Variants in KCNJ1 observed in about 807,000 individuals in gnomAD.
KCNJ1 encodes the protein ATP-sensitive inward rectifier potassium channel 1.
Under a neutral mutation model 21.9 loss-of-function variants are expected in KCNJ1, and 24 were observed. That is an observed-to-expected ratio of 1.10 (90% CI 0.79 to 1.54). The LOEUF is 1.54. Among genes scored for constraint, KCNJ1 ranks in the 40% most tolerant of loss-of-function variants. KCNJ1 has a pLI of 0.00. For synonymous variants in KCNJ1, 152 were observed against 160.9 expected, an observed-to-expected ratio of 0.94 and a Z score of 0.42; for missense variants, 457 against 455.4, an observed-to-expected ratio of 1.00 and a Z score of -0.03.
intron 1 of KCNJ1, among the ~76,000 whole-genome samples, chr11:128,854,988 G>A (rs1056871613): frequency 6.6e-5 from 10 of 152,200 alleles, no homozygotes; most frequent in African/African-American, 2.2e-4. Context: ...CACGTATCTG[G>A]AGTCAGGCTT....
At chr11:128,848,920 G>A (rs1943431624) in intron 2 of KCNJ1, among the ~76,000 whole-genome samples, 1 of 152,206 alleles carries the variant, frequency 6.6e-6, no homozygotes, top group Non-Finnish European at 1.5e-5. Context: ...TCCAGAGAGT[G>A]TGGAATGGCC....
intron 1 of KCNJ1, among the ~76,000 whole-genome samples, chr11:128,855,598 G>T (rs191119440): frequency 6.7e-6 from 1 of 149,726 alleles, no homozygotes; most frequent in Non-Finnish European, 1.5e-5. Flanking sequence ...GTGTAGAGCT[G>T]GGCTTAAACG....
intron 1 of KCNJ1, among the ~76,000 whole-genome samples, chr11:128,853,435 T>C (rs914732846): frequency 8.5e-5 from 13 of 152,190 alleles, no homozygotes; most frequent in African/African-American, 3.1e-4. Flanking sequence ...TCCATGTAGA[T>C]GAGATGTTAG....
intron 2 of KCNJ1, 50 bp from the exon 3 acceptor site, chr11:128,840,314 G>C (rs1283028764): frequency 1.9e-6 from 3 of 1,554,242 alleles, no homozygotes; most frequent in Non-Finnish European, 1.8e-6. Context: ...TATAGCAATA[G>C]TGAACTAGGT....
At chr11:128,859,883 A>T (rs1042128242) in intron 1 of KCNJ1, among the ~76,000 whole-genome samples, 1 of 152,278 alleles carries the variant, frequency 6.6e-6, no homozygotes, top group Non-Finnish European at 1.5e-5. Context: ...AGAAAGAAAC[A>T]GTAACTAGAA....
chr11:128,847,370 G>A (rs1943399443), intron 2 of KCNJ1, among the ~76,000 whole-genome samples: 1 of 152,144 alleles, frequency 6.6e-6, no homozygotes, highest in South Asian at 2.1e-4. Context: ...GGAAATAAGT[G>A]TAACTATAAC....
chr11:128,849,507 G>A (rs1455886579), intron 2 of KCNJ1, among the ~76,000 whole-genome samples: 1 of 152,186 alleles, frequency 6.6e-6, no homozygotes, highest in African/African-American at 2.4e-5. Context: ...CACTACAAGA[G>A]GAGGAAGGAG....
At chr11:128,854,533 G>C (rs1428851256) in intron 1 of KCNJ1, among the ~76,000 whole-genome samples, 1 of 152,120 alleles carries the variant, frequency 6.6e-6, no homozygotes, top group Non-Finnish European at 1.5e-5. Context: ...GAGAGGGATG[G>C]AACGTGACTG....
intron 1 of KCNJ1, among the ~76,000 whole-genome samples, chr11:128,863,247 C>T (rs1943751980): frequency 6.6e-6 from 1 of 152,164 alleles, no homozygotes; most frequent in East Asian, 1.9e-4. Flanking sequence ...TGAATCCCAG[C>T]CAAGAAACAC....
chr11:128,839,347 C>A lies in KCNJ1; in HGVS notation c.897G>T (p.Glu299Asp), dbSNP rs368956043. The A allele has an allele frequency of 1.2e-6, 2 of 1,614,030 alleles. No homozygotes were observed. Among genetic ancestry groups the A allele is most frequent in the African/African-American group, 2.7e-5 (2 of 74,900 alleles). The change falls in exon 3 of 3, where the codon GAG (glutamate) becomes GAT (aspartate). Residue 299 changes from glutamate (E) to aspartate (D), a missense_variant. Glu to Asp is a conservative substitution (Grantham distance 45). Coordinates refer to ENST00000392666, the MANE Select transcript of KCNJ1 (RefSeq NM_153766.3). ...CQVRTSYVPE[E>D]VLWGYRFAPI... The stretch of plus-strand genomic sequence containing the variant: ...GAGCAAAACGGTAGCCCCAAAGCAC[C>A]TCCTCTGGGACATAGGATGTCCGGA...
chr11:128,848,720 A>G (rs1182367533), intron 2 of KCNJ1, among the ~76,000 whole-genome samples: 1 of 152,182 alleles, frequency 6.6e-6, no homozygotes, highest in Admixed American at 6.5e-5. Flanking sequence ...ACACAATGGG[A>G]GCTACTTGGC....
At chr11:128,855,177 CCTTTT>C (rs377175345) in intron 1 of KCNJ1, among the ~76,000 whole-genome samples, 1 of 152,156 alleles carries the variant, frequency 6.6e-6, no homozygotes, top group Admixed American at 6.5e-5. Context: ...GTTTTTCTTT[CCTTTT>C]CTTTTCTTTT....
At chr11:128,860,004 C>A (rs1375963183) in intron 1 of KCNJ1, among the ~76,000 whole-genome samples, 1 of 152,110 alleles carries the variant, frequency 6.6e-6, no homozygotes, top group Non-Finnish European at 1.5e-5. Context: ...CGCCGGGCCT[C>A]CCGCTTACCA....
chr11:128,852,739 C>T (rs1194903630), intron 1 of KCNJ1, among the ~76,000 whole-genome samples: 4 of 152,268 alleles, frequency 2.6e-5, no homozygotes, highest in African/African-American at 7.2e-5. Context: ...CAGAACAGGA[C>T]ACTGCCCGGG....
intron 2 of KCNJ1, among the ~76,000 whole-genome samples, chr11:128,840,852 T>C (rs920935187): frequency 6.6e-6 from 1 of 152,206 alleles, no homozygotes; most frequent in Non-Finnish European, 1.5e-5. Context: ...AAACTGAGAT[T>C]TAGAAAATTT....
intron 2 of KCNJ1, among the ~76,000 whole-genome samples, chr11:128,844,404 T>C (rs951654296): frequency 1.3e-5 from 2 of 152,202 alleles, no homozygotes; most frequent in Non-Finnish European, 2.9e-5. Context: ...AAGGAGAAAC[T>C]GTTATAAAGA....
Position 128,839,182 on chromosome 11 carries a change from A to G in KCNJ1, c.1062T>C (p.Tyr354=), listed in dbSNP as rs911862865. Residue 354 remains tyrosine, a synonymous_variant, in exon 3 of 3, where the codon TAT becomes TAC. Coordinates refer to ENST00000392666, the MANE Select transcript of KCNJ1 (RefSeq NM_153766.3). ...KDVRARMKRG[Y]DNPNFILSEV... is the part of the protein sequence containing the mutation. ...CTGACAAGATGAAGTTGGGGTTGTCATAGCCTCTCTTCATCCTGGCTCTAA... is the reference window on the plus strand; with the variant it reads ...CTGACAAGATGAAGTTGGGGTTGTCGTAGCCTCTCTTCATCCTGGCTCTAA... 6.2e-6 allele frequency: 10 copies of G among 1,614,222 alleles called. No individual in the cohort carries two copies. Among genetic ancestry groups the G allele is most frequent in the Non-Finnish European group, 8.5e-6 (10 of 1,180,024 alleles).
At chr11:128,856,119 C>A (rs887010596) in intron 1 of KCNJ1, among the ~76,000 whole-genome samples, 2 of 152,194 alleles carry the variant, frequency 1.3e-5, no homozygotes, top group South Asian at 4.1e-4. Flanking sequence ...TTTCAAGGGG[C>A]CTGTCAGAAG....
chr11:128,866,444 G>T, intron 1 of KCNJ1: 1 of 364,346 alleles, frequency 2.7e-6, no homozygotes, highest in Non-Finnish European at 3.8e-6. Context: ...AAGATTGCTG[G>T]TTGCGAAAGA....
Sources: allele counts gnomAD v4.1 joint callset (sites outside exome capture counted in the v4.1 genomes callset), GRCh38; gene constraint gnomAD v4.1.1; transcripts MANE v1.5; gene names NCBI Gene and HGNC (gene_info 2026-07-23, HGNC 2026-07-21).